Variants in ADAMTS5 observed in about 807,000 individuals in gnomAD.
The protein encoded by ADAMTS5 is A disintegrin and metalloproteinase with thrombospondin motifs 5.
ADAMTS5 carries 54 observed loss-of-function variants against 81.4 expected under a neutral mutation model. The ratio of observed to expected loss-of-function variants is 0.66; its 90% confidence interval spans 0.53 to 0.83. The LOEUF is 0.83. ADAMTS5 is among the 40% of genes least tolerant of loss of function. The probability of loss-of-function intolerance (pLI) is 0.00; values close to 1 mark genes in which losing one functional copy is unlikely to be tolerated. For synonymous variants in ADAMTS5, 532 were observed against 508.8 expected, an observed-to-expected ratio of 1.05 and a Z score of -0.61; for missense variants, 1,194 against 1,229.9, an observed-to-expected ratio of 0.97 and a Z score of 0.44.
chr21:26,960,959 C>T lies in ADAMTS5; in HGVS notation c.1104+4329G>A, dbSNP rs182816733. 1.7e-3 allele frequency among the ~76,000 whole-genome samples: 253 copies of T among 152,336 alleles called. 2 individuals are homozygous for T. Among genetic ancestry groups the T allele is most frequent in the Non-Finnish European group, 3.0e-3 (201 of 68,034 alleles). On this transcript the variant is annotated intron_variant, in intron 1 of 7. Coordinates refer to ENST00000284987, the MANE Select transcript of ADAMTS5 (RefSeq NM_007038.5). ...GCACTTCCATAATACCTTACAAATA[C>T]ATCTACTGTAAGAGCCATCATGCTG...
intron 2 of ADAMTS5, chr21:26,954,092 A>G (rs1174705865): frequency 6.6e-6 from 1 of 151,972 alleles, no homozygotes; most frequent in South Asian, 2.1e-4. Flanking sequence ...AATAATTAGG[A>G]AGCACATATT....
chr21:26,965,778 G>A lies in ADAMTS5; in HGVS notation c.614C>T (p.Pro205Leu). ...REGFSFEALP[P>L]RASCETPAST... ...CGCGGGGGTTTCGCAGCTGGCGCGC[G>A]GCGGCAGGGCCTCGAAGCTGAAGCC... The change falls in exon 1 of 8, where the codon CCG (proline) becomes CTG (leucine). Residue 205 changes from proline to leucine, a missense_variant. Coordinates refer to ENST00000284987, the MANE Select transcript of ADAMTS5 (RefSeq NM_007038.5). 1 of 1,601,982 alleles carries A rather than the reference G, an allele frequency of 6.2e-7. No individual in the cohort carries two copies. Among genetic ancestry groups the A allele is most frequent in the African/African-American group, 1.3e-5 (1 of 74,770 alleles).
chr21:26,951,807 A>G (rs1031898995), intron 2 of ADAMTS5, among the ~76,000 whole-genome samples: 1 of 151,910 alleles, frequency 6.6e-6, no homozygotes, highest in South Asian at 2.1e-4. Context: ...ACAGCAATCC[A>G]AAAAATACAG....
intron 2 of ADAMTS5, among the ~76,000 whole-genome samples, chr21:26,952,505 C>G (rs1156841655): frequency 1.3e-5 from 2 of 152,180 alleles, no homozygotes; most frequent in African/African-American, 2.4e-5. Context: ...TTCAATCCTC[C>G]CTAGTTAACT....
intron 5 of ADAMTS5, 67 bp from the exon 6 acceptor site, chr21:26,932,246 TA>T (rs1986924501): frequency 6.6e-7 from 1 of 1,508,616 alleles, no homozygotes; most frequent in South Asian, 1.3e-5. Flanking sequence ...CTTGTGGGTT[TA>T]AATAGTTAAT....
intron 2 of ADAMTS5, among the ~76,000 whole-genome samples, chr21:26,953,294 C>T (rs1190810471): frequency 1.3e-5 from 2 of 152,136 alleles, no homozygotes; most frequent in South Asian, 2.1e-4. Flanking sequence ...CCAAAGACGC[C>T]TAATCAATAA....
chr21:26,945,345 T>A (rs1987195288), intron 2 of ADAMTS5, among the ~76,000 whole-genome samples: 1 of 152,132 alleles, frequency 6.6e-6, no homozygotes, highest in Non-Finnish European at 1.5e-5. Flanking sequence ...AAGAAAAGTG[T>A]CCCCAAGTGA....
chr21:26,930,800 T>C (rs1416296323), intron 6 of ADAMTS5, among the ~76,000 whole-genome samples: 1 of 152,126 alleles, frequency 6.6e-6, no homozygotes, highest in African/African-American at 2.4e-5. Context: ...AGAAAACTCT[T>C]TTTATGCATG....
intron 2 of ADAMTS5, among the ~76,000 whole-genome samples, chr21:26,954,259 A>G (rs1160162656): frequency 6.6e-6 from 1 of 152,126 alleles, no homozygotes; most frequent in Non-Finnish European, 1.5e-5. Context: ...GCTATTAAGA[A>G]CAAGACAGAA....
At chr21:26,931,893 C>T in intron 6 of ADAMTS5, 111 bp downstream of exon 6, 1 of 1,130,786 alleles carries the variant, frequency 8.8e-7, no homozygotes, top group Non-Finnish European at 1.2e-6. Context: ...CTTCCAAAAT[C>T]TAACTGACCC....
intron 2 of ADAMTS5, among the ~76,000 whole-genome samples, chr21:26,944,404 A>T (rs915596234): frequency 6.6e-6 from 1 of 152,188 alleles, no homozygotes; most frequent in Non-Finnish European, 1.5e-5. Flanking sequence ...GTTCCAGTCA[A>T]GCTAGATATT....
rs1012452400 is a variant in ADAMTS5 at position 26,932,721 on chromosome 21, G to T, written c.1873+140C>A. ...ATCTCAAAAAAAAACAAACACATAG[G>T]TGTTTGTTATTGATCTGCATATTGG... On this transcript the variant is annotated intron_variant, in intron 5 of 7. Transcript: ENST00000284987. 10 of 878,564 alleles carry T rather than the reference G, an allele frequency of 1.1e-5. No individual in the cohort carries two copies. In the African/African-American group the frequency reaches 1.6e-4, roughly 14 times the overall value. 54.4% of individuals were successfully genotyped at this position (878,564 alleles called of 1,614,324 possible).
At chr21:26,943,288 G>T in intron 3 of ADAMTS5, 92 bp downstream of exon 3, 1 of 1,239,222 alleles carries the variant, frequency 8.1e-7, no homozygotes, top group Non-Finnish European at 1.1e-6. Flanking sequence ...GTCTTAGAGG[G>T]CAAGATGAAT....
Position 26,934,758 on chromosome 21 carries a change from A to T in ADAMTS5, c.1406-9T>A. The T allele has an allele frequency of 6.2e-7, 1 of 1,612,136 alleles. No individual in the cohort carries two copies. Among genetic ancestry groups the T allele is most frequent in the South Asian group, 1.1e-5 (1 of 91,050 alleles). ...GTCCAGCAAACAGTTACCTACAAGA[A>T]TAACTGAGATTGACCACGGCTCTGT... On this transcript the variant is annotated splice_polypyrimidine_tract_variant and intron_variant, in intron 3 of 7. Transcript: ENST00000284987.
At chr21:26,947,245 C>T (rs973888133) in intron 2 of ADAMTS5, among the ~76,000 whole-genome samples, 2 of 152,110 alleles carry the variant, frequency 1.3e-5, no homozygotes, top group African/African-American at 4.8e-5. Flanking sequence ...CAACTAAGGA[C>T]CAAACACACT....
intron 2 of ADAMTS5, among the ~76,000 whole-genome samples, chr21:26,954,466 G>A (rs781378895): frequency 1.3e-5 from 2 of 152,178 alleles, no homozygotes; most frequent in African/African-American, 2.4e-5. Flanking sequence ...ATTTACGGAT[G>A]CTTAAAAAGA....
At position 26,943,448 on chromosome 21, in the gene ADAMTS5, A is replaced by T. The variant is rs138711629; in HGVS notation, c.1337T>A (p.Ile446Asn). Reference sequence around the variant, plus strand: ...TTTGGACCAGGGCTTAGATGCATCAATGCTGGTAAGGATGGAAGACATTAA... The same window carrying T: ...TTTGGACCAGGGCTTAGATGCATCATTGCTGGTAAGGATGGAAGACATTAA... ...KRLMSSILTS[I>N]DASKPWSKCT... Residue 446 changes from isoleucine (I) to asparagine (N), a missense_variant, in exon 3 of 8, where the codon ATT becomes AAT. By Grantham distance (149) the Ile-to-Asn change is moderately radical. Around this residue, in one of 2 missense-constraint regions of ADAMTS5, gnomAD observed 696 missense variants for 817.6 expected, o/e 0.85. Coordinates refer to ENST00000284987, the MANE Select transcript of ADAMTS5 (RefSeq NM_007038.5). The T allele has an allele frequency of 1.2e-6, 2 of 1,613,754 alleles. No homozygotes were observed. Among genetic ancestry groups the T allele is most frequent in the Admixed American group, 3.3e-5 (2 of 59,976 alleles).
Position 26,965,764 on chromosome 21 carries a change from C to T in ADAMTS5, c.628G>A (p.Glu210Lys). ...GCCTCCGGTGTGGACGCGGGGGTTT[C>T]GCAGCTGGCGCGCGGCGGCAGGGCC... ...FEALPPRASC[E>K]TPASTPEAHE... Residue 210 changes from glutamate to lysine, a missense_variant, in exon 1 of 8, where the codon GAA becomes AAA. Glu to Lys is a moderately conservative substitution (Grantham distance 56, BLOSUM62 1). This residue lies in a region of ADAMTS5 where 498 missense variants were observed against 412.3 expected (regional missense o/e 1.21). Coordinates refer to ENST00000284987, the MANE Select transcript of ADAMTS5 (RefSeq NM_007038.5). 1.3e-6 allele frequency: 2 copies of T among 1,599,640 alleles called. No individual in the cohort carries two copies. The highest frequency in any genetic ancestry group is 1.7e-6 in the Non-Finnish European group (2 of 1,173,622).
intron 1 of ADAMTS5, among the ~76,000 whole-genome samples, chr21:26,963,316 G>A (rs981278997): frequency 3.3e-5 from 5 of 151,686 alleles, no homozygotes; most frequent in Non-Finnish European, 2.9e-5. Context: ...AAACAAATTC[G>A]GAAAAAGTAA....
Sources: allele counts gnomAD v4.1 joint callset (sites outside exome capture counted in the v4.1 genomes callset), GRCh38; gene constraint gnomAD v4.1.1; regional missense constraint gnomAD v4.1.1; transcripts MANE v1.5; gene names NCBI Gene and HGNC (gene_info 2026-07-23, HGNC 2026-07-21).